The following TPR variants were observed in gnomAD, a reference collection of about 807,000 sequenced individuals.
TPR encodes translocated promoter region, nuclear basket protein.
Under a neutral mutation model 316.1 loss-of-function variants are expected in TPR, and 51 were observed. That is an observed-to-expected ratio of 0.16 (90% CI 0.13 to 0.20). TPR has a LOEUF of 0.20. Ranked by LOEUF, TPR falls within the 10% of genes least tolerant of loss-of-function variation. The pLI is 1.00. For missense variants in TPR, 2,272 were observed against 2,754.8 expected, an observed-to-expected ratio of 0.82 and a Z score of 3.92; for synonymous variants, 981 against 914.7, an observed-to-expected ratio of 1.07 and a Z score of -1.31.
chr1:186,346,673 T>C (rs776773395), intron 22 of TPR, among the ~76,000 whole-genome samples: 4 of 152,160 alleles, frequency 2.6e-5, no homozygotes, highest in South Asian at 2.1e-4. Context: ...CCCTAGACTA[T>C]TGCTACAGCC....
In TPR at chr1:186,368,099, T is replaced by C. The variant is rs1329419322; in HGVS notation, c.331-117A>G. The C allele has an allele frequency of 1.2e-5, 7 of 601,486 alleles. 1 individual carries two copies. In the South Asian group the frequency reaches 1.7e-4, roughly 14 times the overall value. The allele number at this position is 601,486 out of a possible 1,614,324, so 37.3% of individuals were successfully genotyped here. ...AGTGTAAATGACTGGCTTTCTCTTATAACTTACACATCAAAGTTAAAAAAT... is the reference window on the plus strand; with the variant it reads ...AGTGTAAATGACTGGCTTTCTCTTACAACTTACACATCAAAGTTAAAAAAT... On this transcript the variant is annotated intron_variant, in intron 3 of 50. Coordinates refer to ENST00000367478, the MANE Select transcript of TPR (RefSeq NM_003292.3).
intron 40 of TPR, among the ~76,000 whole-genome samples, 179 bp downstream of exon 40, chr1:186,327,281 T>TTTATATATA (rs1658020524): frequency 2.2e-4 from 1 of 4,476 alleles, no homozygotes; most frequent in Non-Finnish European, 3.3e-4. Flanking sequence ...TATTTATATA[T>TTTATATATA]AATATATATA....
chr1:186,337,184 T>G (rs769201886), intron 31 of TPR, 28 bp from the exon 32 acceptor site: 15 of 1,584,960 alleles, frequency 9.5e-6, no homozygotes, highest in Admixed American at 1.7e-5. Flanking sequence ...AATAATACAC[T>G]CACATATTTA....
intron 21 of TPR, among the ~76,000 whole-genome samples, chr1:186,348,179 G>C (rs1414041251): frequency 1.3e-5 from 2 of 152,130 alleles, no homozygotes; most frequent in African/African-American, 4.8e-5. Context: ...AAGTAGGAGA[G>C]ATATCGCTAA....
rs745933417 is a variant in TPR at position 186,311,987 on chromosome 1, C to G, written c.*1984G>C. On this transcript the variant is annotated 3_prime_UTR_variant, in exon 51 of 51. Transcript: ENST00000367478. ...ATGTAATTTGCTGCATCTATTCATT[C>G]AACAAGTATTTCAGTTTAATAATTA... 1.7e-5 allele frequency: 10 copies of G among 583,044 alleles called. No individual in the cohort carries two copies. The highest frequency in any genetic ancestry group is 2.7e-5 in the Non-Finnish European group (9 of 335,066). The allele number at this position is 583,044 out of a possible 1,614,324, so 36.1% of individuals were successfully genotyped here. A position where few individuals can be genotyped will look rare whatever the true frequency, so the allele number is the denominator to read the frequency against.
At chr1:186,346,009 C>G in intron 23 of TPR, 126 bp downstream of exon 23, 1 of 1,085,662 alleles carries the variant, frequency 9.2e-7, no homozygotes, top group Non-Finnish European at 1.3e-6. Context: ...AAACATAAAA[C>G]TAAAATTTTG....
At chr1:186,369,251 C>T (rs1450955557) in intron 3 of TPR, among the ~76,000 whole-genome samples, 4 of 152,096 alleles carry the variant, frequency 2.6e-5, no homozygotes, top group Non-Finnish European at 5.9e-5. Flanking sequence ...AAAACTGATT[C>T]CATCAGAATT....
chr1:186,327,562 C>G lies in TPR; in HGVS notation c.5787G>C (p.Thr1929=). The change falls in exon 40 of 51, where the codon ACG becomes ACC. Residue 1929 remains threonine, a synonymous_variant. Transcript: ENST00000367478. The part of the protein sequence containing the change: ...DLGPLQSDQQ[T]TTSSQDGQGK... Reference sequence around the variant, plus strand: ...CTTGACCATCCTGGGATGAAGTTGTCGTCTGCTGATCTGATTGAAGTGGCC... The same window carrying G: ...CTTGACCATCCTGGGATGAAGTTGTGGTCTGCTGATCTGATTGAAGTGGCC... 6.2e-7 allele frequency: 1 copy of G among 1,612,332 alleles called. No individual in the cohort carries two copies. Among genetic ancestry groups the G allele is most frequent in the Non-Finnish European group, 8.5e-7 (1 of 1,179,674 alleles).
intron 2 of TPR, among the ~76,000 whole-genome samples, 190 bp downstream of exon 2, chr1:186,373,169 A>T (rs1659584619): frequency 6.6e-6 from 1 of 152,232 alleles, no homozygotes; most frequent in Non-Finnish European, 1.5e-5. Context: ...AGACCTCCTG[A>T]CCATTAAATT....
intron 49 of TPR, among the ~76,000 whole-genome samples, chr1:186,314,964 C>T (rs934764909): frequency 1.3e-5 from 2 of 151,830 alleles, no homozygotes; most frequent in African/African-American, 2.4e-5. Flanking sequence ...CTCAGGAGTT[C>T]GAGACCAGCC....
chr1:186,340,053 T>A (rs557710255), intron 29 of TPR, among the ~76,000 whole-genome samples: 24 of 152,278 alleles, frequency 1.6e-4, no homozygotes, highest in Non-Finnish European at 3.2e-4. Flanking sequence ...TGAAGCCAAA[T>A]AAAGGGATCT....
chr1:186,321,265 A>G (rs1158679741), intron 45 of TPR, among the ~76,000 whole-genome samples: 1 of 152,228 alleles, frequency 6.6e-6, no homozygotes, highest in Non-Finnish European at 1.5e-5. Context: ...TAACCGCCAC[A>G]TGTTACATCT....
chr1:186,374,919 T>A lies in TPR; in HGVS notation c.110A>T (p.Asp37Val), dbSNP rs1659665330. 1 of 1,603,794 alleles carries A rather than the reference T, an allele frequency of 6.2e-7. No homozygotes were observed. ...TTTCTCATGCCGCCCCTTCAGGCCA[T>A]CGATCTCGGATTGCTGATCAGCAAG... The part of the protein sequence containing the change: ...KFLADQQSEI[D>V]GLKGRHEKFK... The change falls in exon 1 of 51, where the codon GAT (aspartate) becomes GTT (valine). Residue 37 changes from aspartate (D) to valine (V), a missense_variant. Physicochemically the swap from Asp to Val is radical, Grantham distance 152. Transcript: ENST00000367478.
At chr1:186,334,809 T>C (rs1431377874) in intron 35 of TPR, among the ~76,000 whole-genome samples, 1 of 152,110 alleles carries the variant, frequency 6.6e-6, no homozygotes, top group Admixed American at 6.6e-5. Flanking sequence ...GGAAAATCAG[T>C]AGCAGCCTAA....
intron 3 of TPR, 113 bp downstream of exon 3, chr1:186,370,857 A>G: frequency 2.4e-6 from 2 of 842,278 alleles, no homozygotes; most frequent in Non-Finnish European, 1.9e-6. Context: ...AGCTTCCCCT[A>G]ATAGGACATC....
At chr1:186,314,421 T>C (rs1162211991) in intron 50 of TPR, 2 of 377,482 alleles carry the variant, frequency 5.3e-6, no homozygotes, top group East Asian at 8.7e-5. Context: ...ATATAAAATA[T>C]AAGCACATAT....
intron 21 of TPR, among the ~76,000 whole-genome samples, chr1:186,349,025 C>A (rs930522926): frequency 6.6e-6 from 1 of 152,052 alleles, no homozygotes; most frequent in Admixed American, 6.6e-5. Context: ...CCAGTGGGGT[C>A]ACATCCCGAT....
Position 186,322,303 on chromosome 1 carries a change from C to T in TPR, c.6461+15G>A. On this transcript the variant is annotated intron_variant, in intron 45 of 50. Coordinates refer to ENST00000367478, the MANE Select transcript of TPR (RefSeq NM_003292.3). ...TTGATTAGTTATAAAGTATGTTTCT[C>T]TTTCATTAACTTACTGAATTGCTTC... 1 of 1,593,934 alleles carries T rather than the reference C, an allele frequency of 6.3e-7. No individual in the cohort carries two copies. The highest frequency in any genetic ancestry group is 8.5e-7 in the Non-Finnish European group (1 of 1,171,978).
intron 30 of TPR, 34 bp downstream of exon 30, chr1:186,339,608 T>A (rs1437013851): frequency 3.9e-5 from 57 of 1,449,178 alleles, no homozygotes; most frequent in Non-Finnish European, 5.2e-5. Context: ...ACTTCTTTTA[T>A]ATTATATATG....
Sources: allele counts gnomAD v4.1 joint callset (sites outside exome capture counted in the v4.1 genomes callset), GRCh38; gene constraint gnomAD v4.1.1; transcripts MANE v1.5; gene names NCBI Gene and HGNC (gene_info 2026-07-23, HGNC 2026-07-21).